RORB: variants seen among roughly 807,000 people sequenced by gnomAD.
The protein encoded by RORB is RAR related orphan receptor B, also known as nuclear receptor ROR-beta.
RORB carries 6 observed loss-of-function variants against 59.1 expected under a neutral mutation model. The observed-to-expected ratio is 0.10, with a 90% confidence interval of 0.06 to 0.20. RORB has a LOEUF of 0.20. RORB is among the 10% of genes least tolerant of loss of function. The pLI, the probability that RORB is intolerant of heterozygous loss-of-function variation, is 1.00. For missense variants in RORB, 320 were observed against 560.5 expected (o/e 0.57, Z 4.33); for synonymous variants, 215 against 204.5 (o/e 1.05, Z -0.44).
At position 74,685,495 on chromosome 9, in the gene RORB, T is replaced by C. The variant is rs1199829441; in HGVS notation, c.1257T>C (p.Val419=). 6.2e-7 allele frequency: 1 copy of C among 1,613,114 alleles called. No individual in the cohort carries two copies. The highest frequency in any genetic ancestry group is 1.7e-5 in the Admixed American group (1 of 59,950). ...LIAKIPTITA[V]CNLHGEKLQV... ...CCAAGATACCAACCATCACGGCAGTTTGCAACTTGCACGGGGAGAAGCTGC... is the reference window on the plus strand; with the variant it reads ...CCAAGATACCAACCATCACGGCAGTCTGCAACTTGCACGGGGAGAAGCTGC... Residue 419 remains valine, a synonymous_variant, in exon 10 of 10, where the codon GTT becomes GTC. Coordinates refer to ENST00000376896, the MANE Select transcript of RORB (RefSeq NM_006914.4).
At chr9:74,592,135 T>A (rs775070325) in intron 1 of RORB, among the ~76,000 whole-genome samples, 2 of 152,154 alleles carry the variant, frequency 1.3e-5, no homozygotes, top group Non-Finnish European at 2.9e-5. Flanking sequence ...CTTGGAACCC[T>A]CAATCCCCTG....
intron 7 of RORB, among the ~76,000 whole-genome samples, chr9:74,666,926 C>T (rs1178002069): frequency 6.6e-6 from 1 of 152,232 alleles, no homozygotes; most frequent in East Asian, 1.9e-4. Context: ...GTTCCATATC[C>T]TGCCCATGGA....
intron 9 of RORB, among the ~76,000 whole-genome samples, chr9:74,683,229 T>C (rs1179656816): frequency 6.6e-6 from 1 of 152,224 alleles, no homozygotes; most frequent in African/African-American, 2.4e-5. Flanking sequence ...ATTCAACAGC[T>C]ATTTCAGGGA....
At chr9:74,650,238 T>G (rs529132980) in intron 4 of RORB, among the ~76,000 whole-genome samples, 4 of 152,220 alleles carry the variant, frequency 2.6e-5, no homozygotes, top group African/African-American at 9.6e-5. Context: ...GACATTATAC[T>G]GCAGAGAAGC....
chr9:74,616,255 G>T (rs1005699732), intron 1 of RORB, among the ~76,000 whole-genome samples: 3 of 152,030 alleles, frequency 2.0e-5, no homozygotes, highest in Non-Finnish European at 4.4e-5. Context: ...AGGGTAAAAT[G>T]ATTTATTGTA....
intron 1 of RORB, among the ~76,000 whole-genome samples, chr9:74,609,694 T>A (rs888152508): frequency 6.6e-6 from 1 of 152,234 alleles, no homozygotes; most frequent in Non-Finnish European, 1.5e-5. Flanking sequence ...TTTTCATCTC[T>A]ACTTCACAGA....
intron 1 of RORB, among the ~76,000 whole-genome samples, chr9:74,548,598 C>T (rs970994690): frequency 1.3e-5 from 2 of 152,188 alleles, no homozygotes; most frequent in African/African-American, 4.8e-5. Context: ...ACAAACAGCA[C>T]ACTGCACAAC....
At position 74,692,950 on chromosome 9, in the gene RORB, A is replaced by G. The variant is rs890545044; in HGVS notation, c.*7332A>G. ...ATTGAGTTTTTTTAATCATAAATAT[A>G]CTAGAATAAAACAGCACTCCCTAAC... On this transcript the variant is annotated 3_prime_UTR_variant, in exon 10 of 10. Coordinates refer to ENST00000376896, the MANE Select transcript of RORB (RefSeq NM_006914.4). 3 of 152,298 alleles carry G rather than the reference A, an allele frequency of 2.0e-5. No individual in the cohort carries two copies. The highest frequency in any genetic ancestry group is 1.3e-4 in the Admixed American group (2 of 15,306). 9.4% of individuals were successfully genotyped at this position (152,298 alleles called of 1,614,324 possible).
chr9:74,654,166 A>G (rs1356131261), intron 4 of RORB, among the ~76,000 whole-genome samples: 2 of 152,122 alleles, frequency 1.3e-5, no homozygotes, highest in African/African-American at 4.8e-5. Flanking sequence ...GATATAATTG[A>G]CCTTTTAAAA....
rs1824673887 is a variant in RORB at position 74,687,975 on chromosome 9, G to A, written c.*2357G>A. 6.6e-6 allele frequency: 1 copy of A among 152,176 alleles called. No homozygotes were observed. Among genetic ancestry groups the A allele is most frequent in the South Asian group, 2.1e-4 (1 of 4,832 alleles). 9.4% of individuals were successfully genotyped at this position (152,176 alleles called of 1,614,324 possible). A position where few individuals can be genotyped will look rare whatever the true frequency, so the allele number is the denominator to read the frequency against. On this transcript the variant is annotated 3_prime_UTR_variant, in exon 10 of 10. Transcript: ENST00000376896. ...ATTGTCAGCCTGTAATTCCTGCTCA[G>A]TTGCAGAGGGAATTATTTATTTCCT...
rs138614785 is a variant in RORB, at chr9:74,642,562, C to T, written c.384C>T (p.Asn128=). The change falls in exon 4 of 10, where the codon AAC becomes AAT. Residue 128 remains asparagine (N), a synonymous_variant. Transcript: ENST00000376896. The stretch of plus-strand genomic sequence containing the variant: ...GGGTGTACAGCAGCAGCATTAGCAA[C>T]GGCCTGAGCAACCTGAACAACGAGA... ...LARVYSSSIS[N]GLSNLNNETS... 563 of 1,614,190 alleles carry T rather than the reference C, an allele frequency of 3.5e-4. 1 individual carries two copies. The African/African-American group carries it at 6.6e-3, about 19-fold the overall frequency.
intron 7 of RORB, 109 bp downstream of exon 7, chr9:74,665,704 C>T (rs1385879460): frequency 1.4e-6 from 1 of 719,554 alleles, no homozygotes; most frequent in East Asian, 2.6e-5. Context: ...GAACCAGTAT[C>T]TCATTATTCG....
intron 1 of RORB, among the ~76,000 whole-genome samples, chr9:74,550,144 T>C (rs1826584883): frequency 6.6e-6 from 1 of 152,240 alleles, no homozygotes; most frequent in African/African-American, 2.4e-5. Context: ...AAATATTTTA[T>C]GTTGTACCAC....
chr9:74,499,315 C>T (rs1478142968), intron 1 of RORB, among the ~76,000 whole-genome samples: 1 of 152,142 alleles, frequency 6.6e-6, no homozygotes, highest in African/African-American at 2.4e-5. Context: ...CCTCTCCCAC[C>T]CAGTCCCCCT....
intron 1 of RORB, among the ~76,000 whole-genome samples, chr9:74,566,274 C>T (rs1358568393): frequency 6.6e-6 from 1 of 151,912 alleles, no homozygotes; most frequent in South Asian, 2.1e-4. Flanking sequence ...GAAATCTAAA[C>T]TTTTTAAGTT....
intron 4 of RORB, among the ~76,000 whole-genome samples, chr9:74,653,600 G>A (rs924274701): frequency 1.3e-5 from 2 of 152,128 alleles, no homozygotes; most frequent in Non-Finnish European, 2.9e-5. Context: ...ACCCTCTAGC[G>A]CTATATATAG....
At chr9:74,574,147 C>T (rs1002983842) in intron 1 of RORB, among the ~76,000 whole-genome samples, 2 of 152,092 alleles carry the variant, frequency 1.3e-5, no homozygotes, top group Non-Finnish European at 2.9e-5. Flanking sequence ...CTGGCAGTCT[C>T]ATTATCATAC....
intron 1 of RORB, among the ~76,000 whole-genome samples, chr9:74,520,874 T>C (rs1233613369): frequency 1.3e-5 from 2 of 151,862 alleles, no homozygotes; most frequent in Admixed American, 1.3e-4. Flanking sequence ...TGCTCCACAC[T>C]ATTGCAGGCC....
chr9:74,546,849 G>C (rs946511447), intron 1 of RORB, among the ~76,000 whole-genome samples: 1 of 152,174 alleles, frequency 6.6e-6, no homozygotes, highest in African/African-American at 2.4e-5. Context: ...CTGACAATGA[G>C]AGTGAAGACA....
Sources: allele counts gnomAD v4.1 joint callset (sites outside exome capture counted in the v4.1 genomes callset), GRCh38; gene constraint gnomAD v4.1.1; transcripts MANE v1.5; gene names NCBI Gene and HGNC (gene_info 2026-07-23, HGNC 2026-07-21).